Variants in MACIR observed in about 807,000 individuals in gnomAD.
The protein encoded by MACIR is macrophage immunometabolism regulator.
In MACIR, 4 loss-of-function variants were observed where a neutral mutation model predicts 14.3. That is an observed-to-expected ratio of 0.28 (90% CI 0.14 to 0.64). The LOEUF (loss-of-function observed/expected upper bound fraction) is 0.64. Among genes scored for constraint, MACIR ranks in the 30% least tolerant of loss-of-function variants. The pLI, the probability that MACIR is intolerant of heterozygous loss-of-function variation, is 0.83. For synonymous variants in MACIR, 101 were observed against 102.4 expected, an observed-to-expected ratio of 0.99 and a Z score of 0.08; for missense variants, 228 against 257.6, an observed-to-expected ratio of 0.89 and a Z score of 0.79.
intron 2 of MACIR, among the ~76,000 whole-genome samples, chr5:103,270,454 G>A (rs1554237036): frequency 6.6e-6 from 1 of 152,100 alleles, no homozygotes; most frequent in African/African-American, 2.4e-5. Context: ...AGATATGTCC[G>A]GCATTGGTAG....
rs888365109 is a variant in MACIR at position 103,278,401 on chromosome 5, C to T, written c.*1861C>T. 1.8e-5 allele frequency: 3 copies of T among 167,034 alleles called. No homozygotes were observed. Among genetic ancestry groups the T allele is most frequent in the Non-Finnish European group, 4.4e-5 (3 of 68,098 alleles). The allele number at this position is 167,034 out of a possible 1,614,324, so 10.3% of individuals were successfully genotyped here. Reference sequence around the variant, plus strand: ...TGTTGTGTGGTGCTTTAAACTAGGTCCACTATCAACAGGCTACTTACTGTT... The same window carrying T: ...TGTTGTGTGGTGCTTTAAACTAGGTTCACTATCAACAGGCTACTTACTGTT... On this transcript the variant is annotated 3_prime_UTR_variant, in exon 3 of 3. Transcript: ENST00000319933.
chr5:103,264,284 T>G (rs1426565597), intron 1 of MACIR, among the ~76,000 whole-genome samples: 1 of 152,146 alleles, frequency 6.6e-6, no homozygotes, highest in Non-Finnish European at 1.5e-5. Flanking sequence ...AAAATAGGGC[T>G]ACTACTAAAG....
At chr5:103,263,210 C>CTCCTCCTGCTCT (rs1448041538) in intron 1 of MACIR, among the ~76,000 whole-genome samples, 6 of 141,074 alleles carry the variant, frequency 4.3e-5, no homozygotes, top group African/African-American at 1.3e-4. Context: ...CCTCCTCCTC[C>CTCCTCCTGCTCT]TCCTCCTCCT....
chr5:103,265,738 T>G (rs1276483491), intron 1 of MACIR, among the ~76,000 whole-genome samples, 170 bp from the exon 2 acceptor site: 6 of 152,160 alleles, frequency 3.9e-5, no homozygotes, highest in Admixed American at 3.9e-4. Flanking sequence ...TGCATTTAGG[T>G]GAACAAACTC....
At chr5:103,270,889 A>C (rs952029755) in intron 2 of MACIR, among the ~76,000 whole-genome samples, 2 of 152,166 alleles carry the variant, frequency 1.3e-5, no homozygotes, top group Non-Finnish European at 2.9e-5. Flanking sequence ...TCTCTCCATG[A>C]GAATTACATT....
At chr5:103,262,580 G>A (rs1198296985) in intron 1 of MACIR, among the ~76,000 whole-genome samples, 1 of 152,174 alleles carries the variant, frequency 6.6e-6, no homozygotes, top group Non-Finnish European at 1.5e-5. Flanking sequence ...GGTAGTTAAT[G>A]TTTGCAAACT....
At chr5:103,269,260 C>A (rs1301951580) in intron 2 of MACIR, among the ~76,000 whole-genome samples, 1 of 152,076 alleles carries the variant, frequency 6.6e-6, no homozygotes, top group African/African-American at 2.4e-5. Flanking sequence ...CTCTAGATAT[C>A]ATGATATCAC....
intron 2 of MACIR, among the ~76,000 whole-genome samples, chr5:103,270,682 G>A (rs1805092467): frequency 6.6e-6 from 1 of 152,168 alleles, no homozygotes; most frequent in Admixed American, 6.5e-5. Context: ...ACCTCTTTGA[G>A]ATATCTCTGT....
In MACIR at chr5:103,276,543, G is replaced by T; in HGVS notation, c.*3G>T. On this transcript the variant is annotated 3_prime_UTR_variant, in exon 3 of 3. Transcript: ENST00000319933. The stretch of plus-strand genomic sequence containing the variant: ...TGTTTGCTAGGAATAATACATGAAT[G>T]ACTTGGAGAGAGCTTAAACCAATTT... 6.2e-7 allele frequency: 1 copy of T among 1,600,134 alleles called. No individual in the cohort carries two copies. The highest frequency in any genetic ancestry group is 1.1e-5 in the South Asian group (1 of 88,894).
rs1554237625 is a variant in MACIR at position 103,276,009 on chromosome 5, G to A, written c.90G>A (p.Glu30=). 1 of 1,614,112 alleles carries A rather than the reference G, an allele frequency of 6.2e-7. No individual in the cohort carries two copies. Among genetic ancestry groups the A allele is most frequent in the Non-Finnish European group, 8.5e-7 (1 of 1,180,028 alleles). ...AGGCCAACTCCCCGGGAAAGGCGGA[G>A]GCAGAGAAGCCCCGCTGCTCCAGCA... The part of the protein sequence containing the change: ...GAEANSPGKA[E]AEKPRCSSTP... Residue 30 remains glutamate (E), a synonymous_variant, in exon 3 of 3, where the codon GAG becomes GAA. Coordinates refer to ENST00000319933, the MANE Select transcript of MACIR (RefSeq NM_033211.4).
intron 1 of MACIR, among the ~76,000 whole-genome samples, chr5:103,261,685 T>TC (rs1237327128): frequency 1.5e-5 from 2 of 130,254 alleles, no homozygotes; most frequent in African/African-American, 3.1e-5. Context: ...TTTCTTTCTT[T>TC]CTTTCTTTCT....
intron 1 of MACIR, among the ~76,000 whole-genome samples, chr5:103,261,658 C>CTTTCTTTCTTTCTTTCTTTTCTTTTCT (rs1804704578): frequency 9.6e-6 from 1 of 104,008 alleles, no homozygotes; most frequent in African/African-American, 4.2e-5. Context: ...TTCTTTCTTT[C>CTTTCTTTCTTTCTTTCTTTTCTTTTCT]TTTCTTTCTT....
chr5:103,270,160 T>A (rs1805074746), intron 2 of MACIR, among the ~76,000 whole-genome samples: 1 of 152,330 alleles, frequency 6.6e-6, no homozygotes, highest in South Asian at 2.1e-4. Context: ...TAGATGATAC[T>A]CTTTAAAAGT....
chr5:103,265,382 C>T (rs1804887223), intron 1 of MACIR, among the ~76,000 whole-genome samples: 1 of 152,094 alleles, frequency 6.6e-6, no homozygotes, highest in African/African-American at 2.4e-5. Flanking sequence ...CATTCACCTA[C>T]CTCATTTCAT....
At chr5:103,274,187 C>A (rs561287220) in intron 2 of MACIR, among the ~76,000 whole-genome samples, 3 of 152,062 alleles carry the variant, frequency 2.0e-5, no homozygotes, top group African/African-American at 4.8e-5. Flanking sequence ...ATTTGTCATT[C>A]GACTCCGAGT....
At position 103,276,645 on chromosome 5, in the gene MACIR, T is replaced by C; in HGVS notation, c.*105T>C. ...ACTCTTCACACTATAGATGGTTATA[T>C]CAGCTAAGTGTTCCTGGAACATAAA... On this transcript the variant is annotated 3_prime_UTR_variant, in exon 3 of 3. Transcript: ENST00000319933. 9.4e-7 allele frequency: 1 copy of C among 1,060,130 alleles called. No homozygotes were observed. The highest frequency in any genetic ancestry group is 2.4e-5 in the East Asian group (1 of 41,100). The allele number at this position is 1,060,130 out of a possible 1,614,324, so 65.7% of individuals were successfully genotyped here.
At chr5:103,263,240 C>T (rs56155495) in intron 1 of MACIR, among the ~76,000 whole-genome samples, 5,884 of 150,114 alleles carry the variant, frequency 0.039, 369 homozygotes, top group African/African-American at 0.14. Context: ...CTTCCTCCTC[C>T]TCCTCCTGCT....
chr5:103,258,775 CCGGCTGGCT>C lies in MACIR; in HGVS notation c.-226_-218del, dbSNP rs1430557414. 2.0e-5 allele frequency: 3 copies of C among 152,608 alleles called. No individual in the cohort carries two copies. The highest frequency in any genetic ancestry group is 4.4e-5 in the Non-Finnish European group (3 of 68,136). 9.5% of individuals were successfully genotyped at this position (152,608 alleles called of 1,614,324 possible). A position where few individuals can be genotyped will look rare whatever the true frequency, so the allele number is the denominator to read the frequency against. ...AGCGCGGTGGGAGAGGAGAGGGTAC[CCGGCTGGCT>C]CGGCTGGCGGCCTCTGCCTGGATCT... On this transcript the variant is annotated 5_prime_UTR_variant, in exon 1 of 3. Coordinates refer to ENST00000319933, the MANE Select transcript of MACIR (RefSeq NM_033211.4).
At chr5:103,264,372 T>C (rs966134363) in intron 1 of MACIR, among the ~76,000 whole-genome samples, 4 of 152,278 alleles carry the variant, frequency 2.6e-5, no homozygotes, top group East Asian at 3.9e-4. Context: ...ATATCACTTT[T>C]GACATAAGGA....
Sources: gnomAD v4.1 joint callset for allele counts (sites outside exome capture counted in the v4.1 genomes callset) on GRCh38, gnomAD v4.1.1 for gene constraint, MANE v1.5 for transcripts, NCBI Gene and HGNC (gene_info 2026-07-23, HGNC 2026-07-21) for gene names.